Variants in SIRT5 observed in about 807,000 individuals in gnomAD.
SIRT5 encodes sirtuin 5, also known as NAD-dependent protein deacylase sirtuin-5, mitochondrial.
Under a neutral mutation model 40.0 loss-of-function variants are expected in SIRT5, and 26 were observed. The ratio of observed to expected loss-of-function variants is 0.65; its 90% CI spans 0.48 to 0.90. The LOEUF (loss-of-function observed/expected upper bound fraction) is 0.90. Among genes scored for constraint, SIRT5 ranks in the 40% least tolerant of loss-of-function variants. The pLI is 0.00. For missense variants in SIRT5, 401 were observed against 402.4 expected (o/e 1.00, Z 0.03); for synonymous variants, 146 against 149.1 (o/e 0.98, Z 0.15).
chr6:13,577,814 T>C (rs1584730477), intron 1 of SIRT5, among the ~76,000 whole-genome samples: 1 of 151,766 alleles, frequency 6.6e-6, no homozygotes, highest in Non-Finnish European at 1.5e-5. Flanking sequence ...TTACTTCCTT[T>C]CCTTGCATAA....
chr6:13,582,718 G>T (rs2093015148), intron 2 of SIRT5, among the ~76,000 whole-genome samples: 1 of 151,088 alleles, frequency 6.6e-6, no homozygotes, highest in African/African-American at 2.4e-5. Context: ...TGGACAATCA[G>T]TGTCATTGTT....
At position 13,612,165 on chromosome 6, in the gene SIRT5, TA is replaced by T. The variant is rs1214441973; in HGVS notation, c.*308del. ...GAAAAATTTTGTAAATTAGATTGTC[TA>T]AAAAAAATAGTTATTCTGATTATAT... is the stretch of plus-strand genomic sequence containing the variant. On this transcript the variant is annotated 3_prime_UTR_variant, in exon 10 of 10. Coordinates refer to ENST00000606117, the MANE Select transcript of SIRT5 (RefSeq NM_012241.5). 1.5e-4 allele frequency: 35 copies of T among 227,012 alleles called. No individual in the cohort carries two copies. Among genetic ancestry groups the T allele is most frequent in the Admixed American group, 3.8e-4 (7 of 18,524 alleles). 14.1% of individuals were successfully genotyped at this position (227,012 alleles called of 1,614,324 possible).
At chr6:13,590,785 TTG>T (rs1760774515) in intron 4 of SIRT5, among the ~76,000 whole-genome samples, 1 of 151,690 alleles carries the variant, frequency 6.6e-6, no homozygotes, top group African/African-American at 2.4e-5. Context: ...ATATGTTTAG[TTG>T]TGTGTATGTA....
At chr6:13,601,522 C>CT (rs1429004756) in intron 9 of SIRT5, among the ~76,000 whole-genome samples, 1 of 151,882 alleles carries the variant, frequency 6.6e-6, no homozygotes, top group Non-Finnish European at 1.5e-5. Context: ...CTCACCCCAA[C>CT]TTTTTTTTGC....
intron 9 of SIRT5, among the ~76,000 whole-genome samples, chr6:13,601,157 G>A (rs1159180062): frequency 6.6e-6 from 1 of 152,148 alleles, no homozygotes; most frequent in African/African-American, 2.4e-5. Context: ...GAAATTTGCC[G>A]TGGGACTTTT....
chr6:13,606,451 T>G (rs1763117126), intron 9 of SIRT5, among the ~76,000 whole-genome samples: 1 of 151,964 alleles, frequency 6.6e-6, no homozygotes. Context: ...TGTGAAGAGG[T>G]CACTGCTTTG....
chr6:13,583,890 G>C (rs1759704765), intron 2 of SIRT5, among the ~76,000 whole-genome samples, 186 bp from the exon 3 acceptor site: 1 of 152,202 alleles, frequency 6.6e-6, no homozygotes, highest in African/African-American at 2.4e-5. Context: ...AAAACAGCCA[G>C]TTCAGAGGAT....
chr6:13,583,289 C>CTTTTTTTTTTTTTTTTTTTTTTTTT (rs765557886), intron 2 of SIRT5, among the ~76,000 whole-genome samples: 7 of 100,532 alleles, frequency 7.0e-5, no homozygotes, highest in Non-Finnish European at 1.2e-4. Context: ...CTTCTTTGTT[C>CTTTTTTTTTTTTTTTTTTTTTTTTT]TTTTTTTTTT....
intron 3 of SIRT5, 128 bp from the exon 4 acceptor site, chr6:13,588,203 C>A: frequency 8.3e-7 from 1 of 1,208,072 alleles, no homozygotes; most frequent in Non-Finnish European, 1.2e-6. Context: ...TTTCATGGTA[C>A]AGGAATGATG....
intron 5 of SIRT5, among the ~76,000 whole-genome samples, chr6:13,594,207 G>A: frequency 6.6e-6 from 1 of 152,174 alleles, no homozygotes; most frequent in Non-Finnish European, 1.5e-5. Context: ...CCATTTTTCA[G>A]TGTTCTCCTT....
intron 4 of SIRT5, among the ~76,000 whole-genome samples, chr6:13,590,285 T>C (rs1760673941): frequency 6.6e-6 from 1 of 152,202 alleles, no homozygotes; most frequent in Non-Finnish European, 1.5e-5. Flanking sequence ...CCCTGTGCCT[T>C]TCCCTGCCAG....
At chr6:13,609,028 G>A (rs1244557736) in intron 9 of SIRT5, among the ~76,000 whole-genome samples, 2 of 152,146 alleles carry the variant, frequency 1.3e-5, no homozygotes, top group African/African-American at 4.8e-5. Flanking sequence ...CACCATGTTG[G>A]CCAGGCTGGT....
chr6:13,603,898 T>C (rs1762749745), intron 9 of SIRT5, among the ~76,000 whole-genome samples: 2 of 152,214 alleles, frequency 1.3e-5, no homozygotes, highest in Non-Finnish European at 2.9e-5. Flanking sequence ...TGCTACTACA[T>C]GGATGACCCT....
At chr6:13,587,334 C>T (rs1760213432) in intron 3 of SIRT5, among the ~76,000 whole-genome samples, 1 of 152,186 alleles carries the variant, frequency 6.6e-6, no homozygotes, top group Non-Finnish European at 1.5e-5. Flanking sequence ...CTTACAAGGG[C>T]CTGCAGAGCT....
intron 6 of SIRT5, among the ~76,000 whole-genome samples, chr6:13,596,344 A>G (rs895160449): frequency 1.3e-5 from 2 of 152,216 alleles, no homozygotes; most frequent in African/African-American, 2.4e-5. Context: ...TATAAATTGT[A>G]TAAGGACTAT....
intron 4 of SIRT5, 48 bp downstream of exon 4, chr6:13,588,512 T>G: frequency 1.3e-6 from 2 of 1,585,982 alleles, no homozygotes; most frequent in Non-Finnish European, 1.7e-6. Context: ...AATGAAACCA[T>G]AACAGAGTTT....
rs1016482594 is a variant in SIRT5 at position 13,607,083 on chromosome 6, G to A, written c.858-4707G>A. ...TCTTGTCGTATCCATAATCTTCCTC[G>A]TGTTCCCCAAATACCCCTGAAGATA... On this transcript the variant is annotated intron_variant, in intron 9 of 9. Coordinates refer to ENST00000606117, the MANE Select transcript of SIRT5 (RefSeq NM_012241.5). This position sits in a 1 kb window ranked among gnomAD's most constrained non-coding sequence, Gnocchi z 4.0. Among the ~76,000 whole-genome samples the A allele has an allele frequency of 2.4e-4, 36 of 150,002 alleles. No homozygotes were observed. The highest frequency in any genetic ancestry group is 8.6e-4 in the African/African-American group (35 of 40,674).
intron 3 of SIRT5, 89 bp downstream of exon 3, chr6:13,584,314 A>C: frequency 4.2e-6 from 4 of 956,912 alleles, no homozygotes. Context: ...CTGTCAAATT[A>C]GGTATTGGGC....
At chr6:13,582,580 C>T (rs1584749657) in intron 2 of SIRT5, among the ~76,000 whole-genome samples, 3 of 141,462 alleles carry the variant, frequency 2.1e-5, no homozygotes, top group Admixed American at 1.5e-4. Context: ...CTACCACAAT[C>T]GAGATATATA....
Sources: gnomAD v4.1 joint callset for allele counts (sites outside exome capture counted in the v4.1 genomes callset) on GRCh38, gnomAD v4.1.1 for gene constraint, Gnocchi (gnomAD v3.1) non-coding constraint, MANE v1.5 for transcripts, NCBI Gene and HGNC (gene_info 2026-07-23, HGNC 2026-07-21) for gene names.